CFAP20DC: variants seen among roughly 807,000 people sequenced by gnomAD.
CFAP20DC encodes the protein CFAP20 domain containing, also known as protein CFAP20DC.
In CFAP20DC, 84 loss-of-function variants were observed where a neutral mutation model predicts 101.7. The ratio of observed to expected loss-of-function variants is 0.83; its 90% confidence interval spans 0.69 to 0.99. The LOEUF is 0.99. Among genes scored for constraint, CFAP20DC ranks in the 50% least tolerant of loss-of-function variants. CFAP20DC has a pLI of 0.00. For synonymous variants in CFAP20DC, 359 were observed against 351.2 expected (o/e 1.02, Z -0.25); for missense variants, 1,007 against 970.3 (o/e 1.04, Z -0.50).
intron 3 of CFAP20DC, chr3:58,726,433 A>T (rs2067553002): frequency 6.5e-6 from 1 of 153,098 alleles, no homozygotes; most frequent in East Asian, 1.9e-4. Flanking sequence ...GCAGAATGAT[A>T]AAGTCTTTAA....
chr3:58,923,311 G>T (rs967752128), intron 5 of CFAP20DC, among the ~76,000 whole-genome samples: 2 of 151,984 alleles, frequency 1.3e-5, no homozygotes, highest in African/African-American at 4.8e-5. Context: ...ACCATTACTG[G>T]CATTCTTTGT....
chr3:58,872,391 A>T (rs79966570), intron 7 of CFAP20DC, among the ~76,000 whole-genome samples: 4 of 151,344 alleles, frequency 2.6e-5, no homozygotes, highest in African/African-American at 7.3e-5. Context: ...AAAAAAAAAA[A>T]GACACATGGG....
At chr3:58,895,245 C>T (rs781526936) in intron 6 of CFAP20DC, among the ~76,000 whole-genome samples, 12 of 152,204 alleles carry the variant, frequency 7.9e-5, no homozygotes, top group Non-Finnish European at 1.5e-4. Context: ...TCTTTTCTAT[C>T]GCATTGTCAG....
At position 58,868,680 on chromosome 3, in the gene CFAP20DC, G is replaced by A. The variant is rs934525496; in HGVS notation, c.1015+648C>T. ...TTATTTCAGTTTCATACTCCACGAG[G>A]GAAATTTTCTGTGACAGTGATCATT... On this transcript the variant is annotated intron_variant, in intron 9 of 16. Coordinates refer to ENST00000482387, the MANE Select transcript of CFAP20DC (RefSeq NM_001394063.1). The surrounding 1 kb of genome is among the most constrained non-coding windows in gnomAD (Gnocchi z 4.6). 1.3e-5 allele frequency among the ~76,000 whole-genome samples: 2 copies of A among 152,004 alleles called. No homozygotes were observed. The highest frequency in any genetic ancestry group is 4.8e-5 in the African/African-American group (2 of 41,400).
chr3:58,997,888 A>AG (rs1359293970), intron 4 of CFAP20DC, among the ~76,000 whole-genome samples: 2 of 152,120 alleles, frequency 1.3e-5, no homozygotes, highest in South Asian at 2.1e-4. Context: ...GAGTGGGTAT[A>AG]GGGGGGTCCA....
intron 4 of CFAP20DC, among the ~76,000 whole-genome samples, chr3:59,038,620 A>G (rs1218669410): frequency 1.3e-5 from 2 of 152,140 alleles, no homozygotes; most frequent in South Asian, 4.1e-4. Context: ...AATTCCTGCA[A>G]TATTTCAAAC....
intron 5 of CFAP20DC, among the ~76,000 whole-genome samples, chr3:58,917,907 G>C (rs2084912777): frequency 6.6e-6 from 1 of 152,142 alleles, no homozygotes; most frequent in South Asian, 2.1e-4. Flanking sequence ...GCTCTTGGCT[G>C]AACCAAGAAA....
At chr3:58,842,518 C>G (rs1031276231) in intron 13 of CFAP20DC, among the ~76,000 whole-genome samples, 15 of 152,092 alleles carry the variant, frequency 9.9e-5, no homozygotes, top group Non-Finnish European at 1.5e-5. Flanking sequence ...GGTCCTACGC[C>G]CACGGAATCT....
At chr3:58,779,094 A>G (rs2071600957) in intron 15 of CFAP20DC, among the ~76,000 whole-genome samples, 1 of 152,250 alleles carries the variant, frequency 6.6e-6, no homozygotes, top group South Asian at 2.1e-4. Context: ...TAGGAACAGG[A>G]TAATTATTCA....
In CFAP20DC at chr3:58,866,587, G is replaced by T. The variant is rs1173238734; in HGVS notation, c.1237C>A (p.Pro413Thr). Residue 413 changes from proline to threonine, a missense_variant, in exon 11 of 17, where the codon CCC becomes ACC. Coordinates refer to ENST00000482387, the MANE Select transcript of CFAP20DC (RefSeq NM_001394063.1). The stretch of plus-strand genomic sequence containing the variant: ...CAACCTGATTGATCAGGAGACTGGG[G>T]TCCTAGAGTGCCGGAGTTCAACAGC... ...AELLNSGTLGPQSPDQSDEWI... is the reference protein window; with the variant it reads ...AELLNSGTLGTQSPDQSDEWI... 24 of 1,612,368 alleles carry T rather than the reference G, an allele frequency of 1.5e-5. No homozygotes were observed. Among genetic ancestry groups the T allele is most frequent in the Non-Finnish European group, 2.0e-5 (23 of 1,178,994 alleles).
chr3:59,047,686 T>C (rs1055914528), intron 1 of CFAP20DC, among the ~76,000 whole-genome samples: 4 of 152,248 alleles, frequency 2.6e-5, no homozygotes, highest in Non-Finnish European at 5.9e-5. Context: ...CTAGTCATAC[T>C]GACTGAGGCT....
At chr3:58,930,401 A>C (rs2086479195) in intron 5 of CFAP20DC, among the ~76,000 whole-genome samples, 1 of 152,228 alleles carries the variant, frequency 6.6e-6, no homozygotes, top group South Asian at 2.1e-4. Flanking sequence ...CAAAAGCTTT[A>C]ATGGCTTCCT....
chr3:58,744,887 T>C (rs1217294780), intron 16 of CFAP20DC, among the ~76,000 whole-genome samples: 2 of 152,180 alleles, frequency 1.3e-5, no homozygotes, highest in Admixed American at 6.5e-5. Flanking sequence ...ATTTTGTAGA[T>C]GAACTGTGCT....
intron 6 of CFAP20DC, among the ~76,000 whole-genome samples, chr3:58,898,176 C>CTT (rs567724569): frequency 6.3e-5 from 9 of 143,200 alleles, no homozygotes; most frequent in South Asian, 2.2e-4. Context: ...GTTACTGATA[C>CTT]TTTTTTTTTT....
intron 14 of CFAP20DC, among the ~76,000 whole-genome samples, chr3:58,816,060 C>G (rs1186514383): frequency 6.6e-6 from 1 of 151,766 alleles, no homozygotes; most frequent in South Asian, 2.1e-4. Flanking sequence ...CACATGCACA[C>G]GTATATTTAT....
Position 58,849,288 on chromosome 3 carries a change from C to G in CFAP20DC, c.1715G>C (p.Ser572Thr). ...TGTTGCTCCTGCTTCTGTGTAGGCGCTCCTTAGATATTCCTTACTTGTCCG... is the reference window on the plus strand; with the variant it reads ...TGTTGCTCCTGCTTCTGTGTAGGCGGTCCTTAGATATTCCTTACTTGTCCG... The part of the protein sequence containing the change: ...AKRTSKEYLR[S>T]AYTEAGATES... Residue 572 changes from serine (S) to threonine (T), a missense_variant, in exon 13 of 17, where the codon AGC becomes ACC. By Grantham distance (58) the Ser-to-Thr change is moderately conservative. Transcript: ENST00000482387. The G allele has an allele frequency of 6.5e-7, 1 of 1,536,126 alleles. No homozygotes were observed. Among genetic ancestry groups the G allele is most frequent in the Non-Finnish European group, 8.7e-7 (1 of 1,146,906 alleles).
chr3:59,038,136 G>A (rs2094136086), intron 4 of CFAP20DC, among the ~76,000 whole-genome samples: 2 of 152,070 alleles, frequency 1.3e-5, no homozygotes, highest in South Asian at 2.1e-4. Flanking sequence ...GGGGCTGGGG[G>A]GCTAGGGGAG....
chr3:58,762,446 G>A (rs201451154), intron 15 of CFAP20DC, among the ~76,000 whole-genome samples: 1 of 151,896 alleles, frequency 6.6e-6, no homozygotes, highest in African/African-American at 2.4e-5. Context: ...CACATGAGAT[G>A]GGTTTCCTGA....
At chr3:58,936,180 T>C (rs1455987337) in intron 5 of CFAP20DC, among the ~76,000 whole-genome samples, 3 of 152,034 alleles carry the variant, frequency 2.0e-5, no homozygotes, top group African/African-American at 4.8e-5. Context: ...AAAATGCTCA[T>C]CATCACTGGC....
Sources: gnomAD v4.1 joint callset for allele counts (sites outside exome capture counted in the v4.1 genomes callset) on GRCh38, gnomAD v4.1.1 for gene constraint, Gnocchi (gnomAD v3.1) non-coding constraint, MANE v1.5 for transcripts, NCBI Gene and HGNC (gene_info 2026-07-23, HGNC 2026-07-21) for gene names.